TCF7L2: variants seen among roughly 807,000 people sequenced by gnomAD.
The protein encoded by TCF7L2 is transcription factor 7 like 2.
In TCF7L2, 23 loss-of-function variants were observed where a neutral mutation model predicts 77.9. That is an observed-to-expected ratio of 0.30 (90% CI 0.21 to 0.42). The LOEUF is 0.42. Ranked by LOEUF, TCF7L2 falls within the 10% of genes least tolerant of loss-of-function variation. The probability of loss-of-function intolerance (pLI) is 1.00; values close to 1 mark genes in which losing one functional copy is unlikely to be tolerated. For missense variants in TCF7L2, 654 were observed against 793.1 expected (o/e 0.82, Z 2.11); for synonymous variants, 413 against 340.2 (o/e 1.21, Z -2.36).
intron 4 of TCF7L2, among the ~76,000 whole-genome samples, chr10:113,024,367 A>G (rs2048760946): frequency 6.6e-6 from 1 of 152,158 alleles, no homozygotes; most frequent in Non-Finnish European, 1.5e-5. Flanking sequence ...GCTTATGGAC[A>G]TAAACCCTGT....
intron 5 of TCF7L2, among the ~76,000 whole-genome samples, chr10:113,107,466 G>A (rs1038964231): frequency 2.0e-5 from 3 of 152,042 alleles, no homozygotes; most frequent in East Asian, 1.9e-4. Flanking sequence ...AGTTGCGGCC[G>A]GGCGTGGTGG....
intron 4 of TCF7L2, among the ~76,000 whole-genome samples, chr10:113,019,006 G>A (rs553897863): frequency 2.4e-4 from 36 of 152,278 alleles, no homozygotes; most frequent in African/African-American, 8.7e-4. Flanking sequence ...AAGAGGGAGG[G>A]ACAAATCTTG....
intron 5 of TCF7L2, among the ~76,000 whole-genome samples, chr10:113,135,692 A>G (rs1237696044): frequency 6.6e-6 from 1 of 152,200 alleles, no homozygotes; most frequent in African/African-American, 2.4e-5. Context: ...GAAACATCCT[A>G]TTAAATGTCT....
intron 4 of TCF7L2, among the ~76,000 whole-genome samples, chr10:112,977,809 G>A (rs1242161513): frequency 1.3e-4 from 20 of 152,156 alleles, no homozygotes; most frequent in African/African-American, 4.1e-4. Flanking sequence ...CTGGGGTGTC[G>A]TCTCAGCAGC....
At position 112,966,177 on chromosome 10, in the gene TCF7L2, A is replaced by AATATACATATATATATATATATAT. The variant is rs1564721739; in HGVS notation, c.450+1558_450+1559insCATATATATATATATATATATATA. Among the ~76,000 whole-genome samples the AATATACATATATATATATATATAT allele has an allele frequency of 2.9e-4, 13 of 45,140 alleles. 1 individual carries two copies. Among genetic ancestry groups the AATATACATATATATATATATATAT allele is most frequent in the African/African-American group, 1.7e-3 (13 of 7,600 alleles). 29.6% of individuals were successfully genotyped at this position (45,140 alleles called of 152,430 possible). A position where few individuals can be genotyped will look rare whatever the true frequency, so the allele number is the denominator to read the frequency against. ...GTGACAAGAGTGAGACTCTGTCTAA[A>AATATACATATATATATATATATAT]ATATATTTATATATATATATATATA... is the stretch of plus-strand genomic sequence containing the variant. On this transcript the variant is annotated intron_variant, in intron 4 of 13. Transcript: ENST00000627217.
chr10:112,956,196 C>T lies in TCF7L2; in HGVS notation c.381+4589C>T, dbSNP rs114831754. 2.3e-3 allele frequency among the ~76,000 whole-genome samples: 349 copies of T among 152,096 alleles called. 1 individual carries two copies. The highest frequency in any genetic ancestry group is 8.1e-3 in the African/African-American group (336 of 41,486). Reference sequence around the variant, plus strand: ...ATGACTAAAACTCCGAGGACCTTTCCCCCAGCTGTCTGGAAGTTATGTGGA... The same window carrying T: ...ATGACTAAAACTCCGAGGACCTTTCTCCCAGCTGTCTGGAAGTTATGTGGA... On this transcript the variant is annotated intron_variant, in intron 3 of 13. Transcript: ENST00000627217.
At chr10:113,164,475 C>T (rs2073736579) in intron 13 of TCF7L2, among the ~76,000 whole-genome samples, 1 of 152,028 alleles carries the variant, frequency 6.6e-6, no homozygotes, top group South Asian at 2.1e-4. Context: ...TGTGCTGCAC[C>T]CTCCATTGAC....
chr10:113,097,942 CG>C (rs1199284541), intron 5 of TCF7L2, among the ~76,000 whole-genome samples: 1 of 148,064 alleles, frequency 6.8e-6, no homozygotes, highest in African/African-American at 2.5e-5. Context: ...TCCAGCTACT[CG>C]GGAGGCTGAG....
At chr10:113,120,460 G>A (rs891762361) in intron 5 of TCF7L2, among the ~76,000 whole-genome samples, 1 of 152,200 alleles carries the variant, frequency 6.6e-6, no homozygotes, top group African/African-American at 2.4e-5. Context: ...TACTGGTAGA[G>A]TATCTTGTAG....
intron 4 of TCF7L2, among the ~76,000 whole-genome samples, 198 bp downstream of exon 4, chr10:112,964,822 T>TGGTGGTGGTGGTGG (rs1554875168): frequency 1.4e-5 from 1 of 73,564 alleles, no homozygotes; most frequent in Non-Finnish European, 2.7e-5. Context: ...TGGGGGGGGG[T>TGGTGGTGGTGGTGG]TGAATCACTG....
At chr10:113,061,495 A>G (rs1258238163) in intron 5 of TCF7L2, among the ~76,000 whole-genome samples, 2 of 152,108 alleles carry the variant, frequency 1.3e-5, no homozygotes, top group African/African-American at 4.8e-5. Flanking sequence ...TCAATTTCCA[A>G]TTTCCCTCTT....
intron 4 of TCF7L2, among the ~76,000 whole-genome samples, chr10:113,021,644 G>A (rs1394097362): frequency 6.6e-6 from 1 of 152,234 alleles, no homozygotes; most frequent in African/African-American, 2.4e-5. Flanking sequence ...AACCCCCCCA[G>A]GGTCTCTCAG....
intron 5 of TCF7L2, among the ~76,000 whole-genome samples, chr10:113,087,081 A>G (rs2135564251): frequency 6.6e-6 from 1 of 152,308 alleles, no homozygotes; most frequent in South Asian, 2.1e-4. Flanking sequence ...TTAATTCTAC[A>G]AGTTCAAAGC....
intron 5 of TCF7L2, among the ~76,000 whole-genome samples, chr10:113,130,748 A>T (rs1308397147): frequency 6.8e-6 from 1 of 146,930 alleles, no homozygotes; most frequent in African/African-American, 2.5e-5. Context: ...ATATCTTTTT[A>T]AAAAATTATT....
At position 112,984,566 on chromosome 10, in the gene TCF7L2, T is replaced by TA. The variant is rs957241769; in HGVS notation, c.450+19951dup. Among the ~76,000 whole-genome samples, 12 of 151,216 alleles carry TA rather than the reference T, an allele frequency of 7.9e-5. No individual in the cohort carries two copies. The South Asian group carries it at 1.9e-3, about 24-fold the overall frequency. ...CCACCCCTTTTAAGTCCCCTCCCTCTAAAAAAAAATTAATACCAACAATAA... is the reference window on the plus strand; with the variant it reads ...CCACCCCTTTTAAGTCCCCTCCCTCTAAAAAAAAAATTAATACCAACAATAA... On this transcript the variant is annotated intron_variant, in intron 4 of 13. Transcript: ENST00000627217.
chr10:112,994,400 C>T (rs1406238981), intron 4 of TCF7L2, among the ~76,000 whole-genome samples: 1 of 152,198 alleles, frequency 6.6e-6, no homozygotes, highest in Non-Finnish European at 1.5e-5. Flanking sequence ...TAGCATCTAT[C>T]AGTATGTCAT....
At position 113,165,546 on chromosome 10, in the gene TCF7L2, T is replaced by C. The variant is rs2137645411; in HGVS notation, c.1392-9T>C. On this transcript the variant is annotated splice_polypyrimidine_tract_variant and intron_variant, in intron 13 of 13. Transcript: ENST00000627217. The stretch of plus-strand genomic sequence containing the variant: ...TCTATTCACAGATAACTCTCTCCCC[T>C]GTTTCTAGGAGAAAAAAAAAGTGCG... 3.1e-6 allele frequency: 5 copies of C among 1,613,184 alleles called. No homozygotes were observed. Among genetic ancestry groups the C allele is most frequent in the Non-Finnish European group, 4.2e-6 (5 of 1,179,516 alleles).
intron 5 of TCF7L2, among the ~76,000 whole-genome samples, chr10:113,116,988 C>G (rs1365739696): frequency 2.0e-5 from 3 of 152,114 alleles, no homozygotes; most frequent in African/African-American, 7.2e-5. Context: ...ACAACATGTT[C>G]ATTGCAGTCA....
chr10:113,126,802 GCC>G (rs560580262), intron 5 of TCF7L2: 1 of 986,394 alleles, frequency 1.0e-6, no homozygotes, highest in Non-Finnish European at 1.2e-6. Flanking sequence ...GCCGGCGCGG[GCC>G]CTGGGCAGCA....
Sources: gnomAD v4.1 joint callset for allele counts (sites outside exome capture counted in the v4.1 genomes callset) on GRCh38, gnomAD v4.1.1 for gene constraint, MANE v1.5 for transcripts, NCBI Gene and HGNC (gene_info 2026-07-23, HGNC 2026-07-21) for gene names.